Variants in BAZ1A observed in about 807,000 individuals in gnomAD.
The protein encoded by BAZ1A is bromodomain adjacent to zinc finger domain protein 1A.
In BAZ1A, 50 loss-of-function variants were observed where a neutral mutation model predicts 185.2. The ratio of observed to expected loss-of-function variants is 0.27; its 90% CI spans 0.22 to 0.34. The LOEUF is 0.34. Ranked by LOEUF, BAZ1A falls within the 10% of genes least tolerant of loss-of-function variation. The pLI is 1.00. For missense variants in BAZ1A, 1,356 were observed against 1,839.9 expected (o/e 0.74, Z 4.81); for synonymous variants, 571 against 615.6 (o/e 0.93, Z 1.07).
intron 2 of BAZ1A, among the ~76,000 whole-genome samples, chr14:34,869,315 TCAGGTA>T (rs1194090437): frequency 1.3e-5 from 2 of 152,078 alleles, no homozygotes; most frequent in African/African-American, 4.8e-5. Context: ...TTCTTATTGT[TCAGGTA>T]CCACATGTGC....
At chr14:34,820,295 T>A (rs972750745) in intron 4 of BAZ1A, among the ~76,000 whole-genome samples, 1 of 151,918 alleles carries the variant, frequency 6.6e-6, no homozygotes, top group Admixed American at 6.6e-5. Context: ...CCGGCTGATT[T>A]TTTTGTGTGG....
chr14:34,778,155 CT>C (rs763684774), intron 17 of BAZ1A, among the ~76,000 whole-genome samples: 16 of 152,180 alleles, frequency 1.1e-4, no homozygotes, highest in Non-Finnish European at 2.2e-4. Context: ...AAATGAAAAA[CT>C]TTTGTTCAAA....
rs778976830 is a variant in BAZ1A, at chr14:34,837,250, T to C, written c.393-11094A>G. Among the ~76,000 whole-genome samples the C allele has an allele frequency of 8.5e-4, 128 of 150,914 alleles. 1 individual carries two copies. The highest frequency in any genetic ancestry group is 1.3e-3 in the Non-Finnish European group (85 of 67,608). ...GATATATATAATACTAATAAGTCTCTTTTTTTCTTTTTTGAGGCAGGGTCT... is the reference window on the plus strand; with the variant it reads ...GATATATATAATACTAATAAGTCTCCTTTTTTCTTTTTTGAGGCAGGGTCT... On this transcript the variant is annotated intron_variant, in intron 3 of 26. Coordinates refer to ENST00000360310, the MANE Select transcript of BAZ1A (RefSeq NM_013448.3).
chr14:34,753,517 T>G lies in BAZ1A; in HGVS notation c.4662A>C (p.Ser1554=). Residue 1554 remains serine (S), a synonymous_variant, in exon 27 of 27, where the codon TCA becomes TCC. Coordinates refer to ENST00000360310, the MANE Select transcript of BAZ1A (RefSeq NM_013448.3). The stretch of plus-strand genomic sequence containing the variant: ...CTTTAGAAGGACAAAGTCAGATTCG[T>G]GACTTTTTCGCAGCCGGTGGTGTGC... ...QVSTPPAAKK[S]RI The G allele has an allele frequency of 6.2e-7, 1 of 1,614,154 alleles. No individual in the cohort carries two copies. The highest frequency in any genetic ancestry group is 8.5e-7 in the Non-Finnish European group (1 of 1,180,004).
chr14:34,865,212 C>T (rs913637144), intron 2 of BAZ1A, among the ~76,000 whole-genome samples: 4 of 152,066 alleles, frequency 2.6e-5, no homozygotes, highest in Non-Finnish European at 4.4e-5. Flanking sequence ...CATGCCACTG[C>T]ACTCCAGCCT....
chr14:34,793,992 C>T (rs1433653341), intron 11 of BAZ1A, among the ~76,000 whole-genome samples: 1 of 151,374 alleles, frequency 6.6e-6, no homozygotes, highest in Admixed American at 6.6e-5. Context: ...ATTAGCTGGG[C>T]ATGGTGGCGG....
intron 20 of BAZ1A, among the ~76,000 whole-genome samples, chr14:34,772,562 TA>T (rs1879296698): frequency 6.6e-6 from 1 of 152,152 alleles, no homozygotes; most frequent in Admixed American, 6.5e-5. Flanking sequence ...CTTGAAAAAA[TA>T]AAAGTATCTA....
At chr14:34,842,645 T>C (rs1236256579) in intron 3 of BAZ1A, among the ~76,000 whole-genome samples, 1 of 152,188 alleles carries the variant, frequency 6.6e-6, no homozygotes, top group Non-Finnish European at 1.5e-5. Flanking sequence ...ACGTGTTCAA[T>C]AAATGCATTT....
At position 34,783,841 on chromosome 14, in the gene BAZ1A, T is replaced by C; in HGVS notation, c.1918A>G (p.Ile640Val). The C allele has an allele frequency of 1.2e-6, 2 of 1,613,872 alleles. No homozygotes were observed. Among genetic ancestry groups the C allele is most frequent in the Non-Finnish European group, 1.7e-6 (2 of 1,179,954 alleles). Residue 640 changes from isoleucine to valine, a missense_variant, in exon 15 of 27, where the codon ATA (isoleucine) becomes GTA (valine). Transcript: ENST00000360310. ...AACTCCTGCTTTGCCTGTCGTAATA[T>C]ATCAACATAATCTTCAATAAAATCC... ...TRDFIEDYVD[I>V]LRQAKQEFRE...
At chr14:34,812,101 G>C (rs2041937939) in intron 4 of BAZ1A, among the ~76,000 whole-genome samples, 1 of 152,082 alleles carries the variant, frequency 6.6e-6, no homozygotes, top group South Asian at 2.1e-4. Flanking sequence ...TACAACAGGA[G>C]AAGTGATAAG....
rs1253777531 is a variant in BAZ1A, at chr14:34,874,936, G to C, written c.-59+202C>G. On this transcript the variant is annotated intron_variant, in intron 1 of 26. Transcript: ENST00000360310. This position sits in a 1 kb window ranked among gnomAD's most constrained non-coding sequence, Gnocchi z 4.7. ...CCGCCGCGGGGGGCAGTGCGGGAGC[G>C]GCGGCGGCCCCCTCCCCCAGCGCCG... The C allele has an allele frequency of 1.3e-5, 2 of 152,648 alleles. No individual in the cohort carries two copies. The highest frequency in any genetic ancestry group is 6.6e-5 in the Admixed American group (1 of 15,050). 9.5% of individuals were successfully genotyped at this position (152,648 alleles called of 1,614,324 possible).
intron 3 of BAZ1A, among the ~76,000 whole-genome samples, chr14:34,832,228 A>ATATATATATATATATATG (rs1437244262): frequency 1.8e-4 from 26 of 143,438 alleles, no homozygotes; most frequent in African/African-American, 5.9e-4. Context: ...ATATATATAT[A>ATATATATATATATATATG]TATGTATGTA....
intron 3 of BAZ1A, chr14:34,845,432 T>C (rs996689150): frequency 6.6e-6 from 1 of 152,198 alleles, no homozygotes; most frequent in African/African-American, 2.4e-5. Context: ...CTAATTCTGA[T>C]GCATACGTCA....
chr14:34,847,388 A>C (rs2042531748), intron 3 of BAZ1A, among the ~76,000 whole-genome samples: 1 of 152,172 alleles, frequency 6.6e-6, no homozygotes, highest in South Asian at 2.1e-4. Context: ...TTGAGAAAAA[A>C]AAAAGGTAGT....
In BAZ1A at chr14:34,794,782, G is replaced by A. The variant is rs1182783166; in HGVS notation, c.1330C>T (p.Leu444Phe). 6.2e-7 allele frequency: 1 copy of A among 1,613,964 alleles called. No individual in the cohort carries two copies. The highest frequency in any genetic ancestry group is 8.5e-7 in the Non-Finnish European group (1 of 1,179,996). Residue 444 changes from leucine to phenylalanine, a missense_variant, in exon 11 of 27, where the codon CTT (leucine) becomes TTT (phenylalanine). Leu to Phe is a conservative substitution (Grantham distance 22). Transcript: ENST00000360310. ...FLNAFGELFD[L>F]QDEFPDGVTL... The stretch of plus-strand genomic sequence containing the variant: ...ACTCCATCAGGAAACTCATCTTGAA[G>A]ATCAAAAAGTTCCCCAAATGCATTA...
chr14:34,873,650 G>A (rs1566609394), intron 2 of BAZ1A, among the ~76,000 whole-genome samples: 1 of 152,142 alleles, frequency 6.6e-6, no homozygotes, highest in South Asian at 2.1e-4. Flanking sequence ...CGCGCTTCCC[G>A]GCTATGCGAA....
At chr14:34,767,159 T>A (rs186672460) in intron 21 of BAZ1A, among the ~76,000 whole-genome samples, 11 of 152,332 alleles carry the variant, frequency 7.2e-5, no homozygotes, top group Non-Finnish European at 1.6e-4. Flanking sequence ...AGGTGTGTCT[T>A]TTGTAGACAG....
At chr14:34,805,764 A>AT (rs1157551762) in intron 6 of BAZ1A, among the ~76,000 whole-genome samples, 2 of 152,118 alleles carry the variant, frequency 1.3e-5, no homozygotes, top group African/African-American at 4.8e-5. Context: ...AATTTTAGTC[A>AT]TATCTATTTG....
chr14:34,811,416 C>T (rs745377447), intron 4 of BAZ1A, among the ~76,000 whole-genome samples: 15 of 152,124 alleles, frequency 9.9e-5, no homozygotes, highest in Non-Finnish European at 2.1e-4. Context: ...GCAGGGATTA[C>T]AGGCATGAGA....
Sources: gnomAD v4.1 joint callset for allele counts (sites outside exome capture counted in the v4.1 genomes callset) on GRCh38, gnomAD v4.1.1 for gene constraint, Gnocchi (gnomAD v3.1) non-coding constraint, MANE v1.5 for transcripts, NCBI Gene and HGNC (gene_info 2026-07-23, HGNC 2026-07-21) for gene names.